Variants in NCAM1 observed in about 807,000 individuals in gnomAD.
The protein encoded by NCAM1 is antigen recognized by monoclonal antibody 5.1H11.
A neutral mutation model predicts 109.8 loss-of-function variants in NCAM1; 14 were observed. That is an observed-to-expected ratio of 0.13 (90% CI 0.08 to 0.20). The LOEUF (loss-of-function observed/expected upper bound fraction) is 0.20, where lower values mean the gene tolerates loss of function less well. NCAM1 is among the 10% of genes least tolerant of loss of function. The pLI, the probability that NCAM1 is intolerant of heterozygous loss-of-function variation, is 1.00. For synonymous variants in NCAM1, 418 were observed against 442.9 expected, an observed-to-expected ratio of 0.94 and a Z score of 0.70; for missense variants, 774 against 1,109.9, an observed-to-expected ratio of 0.70 and a Z score of 4.30.
intron 1 of NCAM1, among the ~76,000 whole-genome samples, chr11:113,030,827 A>G (rs1369600095): frequency 6.6e-6 from 1 of 152,208 alleles, no homozygotes; most frequent in Admixed American, 6.5e-5. Flanking sequence ...AAGCAGTTTC[A>G]TTGACTCACT....
At chr11:113,219,387 G>A (rs1944623084) in intron 8 of NCAM1, among the ~76,000 whole-genome samples, 1 of 152,148 alleles carries the variant, frequency 6.6e-6, no homozygotes, top group Non-Finnish European at 1.5e-5. Context: ...CATGAATAAT[G>A]GAATACCTAA....
chr11:113,160,800 C>A (rs1449557574), intron 1 of NCAM1, among the ~76,000 whole-genome samples: 2 of 152,144 alleles, frequency 1.3e-5, no homozygotes, highest in Non-Finnish European at 2.9e-5. Context: ...GGAAGGAATT[C>A]ACCACAGATT....
chr11:113,127,898 G>A (rs1941241128), intron 1 of NCAM1, among the ~76,000 whole-genome samples: 1 of 152,194 alleles, frequency 6.6e-6, no homozygotes, highest in African/African-American at 2.4e-5. Flanking sequence ...GCCTCACTGT[G>A]CTGGGTACCT....
chr11:113,184,337 C>T (rs182797245), intron 1 of NCAM1, among the ~76,000 whole-genome samples: 1 of 152,252 alleles, frequency 6.6e-6, no homozygotes, highest in African/African-American at 2.4e-5. Context: ...GTTTAAAATT[C>T]ATCAATATAA....
chr11:113,136,838 G>T (rs1941618355), intron 1 of NCAM1, among the ~76,000 whole-genome samples: 1 of 152,152 alleles, frequency 6.6e-6, no homozygotes, highest in African/African-American at 2.4e-5. Flanking sequence ...ACAACAGAGG[G>T]ATAAATGGTC....
At chr11:113,071,897 C>G (rs1262772441) in intron 1 of NCAM1, among the ~76,000 whole-genome samples, 4 of 152,134 alleles carry the variant, frequency 2.6e-5, no homozygotes, top group African/African-American at 9.7e-5. Context: ...GTAATTCCAG[C>G]ACTTTAGGAG....
At chr11:113,198,046 T>C (rs535590688) in intron 1 of NCAM1, among the ~76,000 whole-genome samples, 177 of 152,246 alleles carry the variant, frequency 1.2e-3, no homozygotes, top group Non-Finnish European at 1.7e-3. Context: ...AAAAAGACAT[T>C]TAAACAGAAA....
chr11:113,268,041 C>T (rs1185591285), intron 17 of NCAM1, among the ~76,000 whole-genome samples: 1 of 152,194 alleles, frequency 6.6e-6, no homozygotes, highest in Non-Finnish European at 1.5e-5. Flanking sequence ...CTATCGGGTA[C>T]TGATGTCCGG....
At chr11:113,059,564 C>G (rs1214349546) in intron 1 of NCAM1, among the ~76,000 whole-genome samples, 1 of 152,146 alleles carries the variant, frequency 6.6e-6, no homozygotes, top group Non-Finnish European at 1.5e-5. Flanking sequence ...CTATGTAGCT[C>G]AAGATTCTCA....
chr11:113,025,719 C>CA lies in NCAM1; in HGVS notation c.52+64069dup, dbSNP rs57264295. 2.6e-3 allele frequency among the ~76,000 whole-genome samples: 264 copies of CA among 99,756 alleles called. 3 individuals are homozygous for CA. Among genetic ancestry groups the CA allele is most frequent in the Admixed American group, 7.5e-3 (78 of 10,382 alleles). The allele number at this position is 99,756 out of a possible 152,430, so 65.4% of individuals were successfully genotyped here. A position where few individuals can be genotyped will look rare whatever the true frequency, so the allele number is the denominator to read the frequency against. On this transcript the variant is annotated intron_variant, in intron 1 of 19. Transcript: ENST00000316851. ...GGTGATAGAGTGAGACCACATCTCA[C>CA]AAAAAAAAAAAAAAGCTCTCTCTGA...
chr11:113,237,813 G>A lies in NCAM1; in HGVS notation c.1825+2649G>A, dbSNP rs939120822. On this transcript the variant is annotated intron_variant, in intron 14 of 19. Transcript: ENST00000316851. ...GGTCTTGGACTTCAAAGGCCGCAGT[G>A]GTTTTCATTCATTGCCAGCTCAGTT... 2.6e-5 allele frequency among the ~76,000 whole-genome samples: 4 copies of A among 151,444 alleles called. No individual in the cohort carries two copies. In the East Asian group the frequency reaches 5.8e-4, roughly 22 times the overall value.
rs76919913 is a variant in NCAM1, at chr11:113,144,310, T to G, written c.53-58069T>G. 6.5e-3 allele frequency among the ~76,000 whole-genome samples: 985 copies of G among 152,308 alleles called. 18 individuals carry two copies. Among genetic ancestry groups the G allele is most frequent in the East Asian group, 0.029 (151 of 5,180 alleles). ...TGATGACCCTCGGCCGTTACAGTCT[T>G]CCATGTGTCTCCTGAGTCATCAAAG... On this transcript the variant is annotated intron_variant, in intron 1 of 19. Coordinates refer to ENST00000316851, the MANE Select transcript of NCAM1 (RefSeq NM_181351.5).
intron 1 of NCAM1, among the ~76,000 whole-genome samples, chr11:113,148,242 C>T (rs10891518): frequency 0.41 from 62,513 of 151,984 alleles, 14,246 homozygotes; most frequent in Middle Eastern, 0.6. Context: ...TCTGCTTTCC[C>T]GTCCCAGGAT....
intron 1 of NCAM1, among the ~76,000 whole-genome samples, chr11:112,972,345 T>C (rs1319675968): frequency 1.3e-5 from 2 of 152,130 alleles, no homozygotes; most frequent in Non-Finnish European, 2.9e-5. Context: ...TTGCGGGGTT[T>C]TTATCACGCC....
At chr11:113,033,529 G>A (rs1413219651) in intron 1 of NCAM1, among the ~76,000 whole-genome samples, 2 of 152,128 alleles carry the variant, frequency 1.3e-5, no homozygotes, top group East Asian at 1.9e-4. Context: ...TTCAGTAGAA[G>A]TGGAAACACA....
chr11:113,118,045 A>T (rs556876653), intron 1 of NCAM1, among the ~76,000 whole-genome samples: 80 of 151,946 alleles, frequency 5.3e-4, no homozygotes, highest in Non-Finnish European at 9.8e-4. Context: ...TATTTTCATG[A>T]GGTTTAGGGA....
intron 1 of NCAM1, among the ~76,000 whole-genome samples, chr11:113,160,917 T>C (rs1031859371): frequency 1.4e-4 from 22 of 152,202 alleles, no homozygotes; most frequent in African/African-American, 5.1e-4. Flanking sequence ...TGATAGTTCC[T>C]CTAGGGCTTT....
chr11:113,205,747 C>G, intron 4 of NCAM1, 81 bp downstream of exon 4: 4 of 1,510,514 alleles, frequency 2.6e-6, no homozygotes, highest in Non-Finnish European at 3.6e-6. Context: ...TGAGGCATTC[C>G]AGTCCAAACT....
intron 1 of NCAM1, among the ~76,000 whole-genome samples, chr11:113,118,097 C>T (rs1210433245): frequency 1.3e-5 from 2 of 151,852 alleles, no homozygotes; most frequent in Non-Finnish European, 2.9e-5. Context: ...ATTTAAATAA[C>T]CCACTATAAA....
Sources: allele counts gnomAD v4.1 joint callset (sites outside exome capture counted in the v4.1 genomes callset), GRCh38; gene constraint gnomAD v4.1.1; transcripts MANE v1.5; gene names NCBI Gene and HGNC (gene_info 2026-07-23, HGNC 2026-07-21).